Variants in ZFHX3 observed in about 807,000 individuals in gnomAD.
ZFHX3 encodes the protein zinc finger homeobox 3, also known as zinc finger homeobox protein 3.
Under a neutral mutation model 279.1 loss-of-function variants are expected in ZFHX3, and 42 were observed. The observed-to-expected ratio is 0.15, with a 90% CI of 0.12 to 0.19. The LOEUF (loss-of-function observed/expected upper bound fraction) is 0.19. ZFHX3 is among the 10% of genes least tolerant of loss of function. ZFHX3 has a pLI of 1.00. For missense variants in ZFHX3, 4,981 were observed against 4,754.0 expected (o/e 1.05, Z -1.40); for synonymous variants, 2,293 against 1,957.8 (o/e 1.17, Z -4.52).
At chr16:73,671,152 C>T (rs8048857) in intron 2 of ZFHX3, among the ~76,000 whole-genome samples, 93,923 of 152,054 alleles carry the variant, frequency 0.62, 30,068 homozygotes, top group Middle Eastern at 0.82. Context: ...AAATGGGAAC[C>T]CTTTTGCAGT....
At chr16:73,070,596 C>G (rs1190769381) in intron 8 of ZFHX3, among the ~76,000 whole-genome samples, 6 of 152,176 alleles carry the variant, frequency 3.9e-5, no homozygotes, top group Non-Finnish European at 7.3e-5. Context: ...AAGGGTGAAG[C>G]GGGATTCGTC....
chr16:73,604,892 G>T (rs2052161941), intron 2 of ZFHX3, among the ~76,000 whole-genome samples: 1 of 152,074 alleles, frequency 6.6e-6, no homozygotes, highest in Non-Finnish European at 1.5e-5. Context: ...AATCTCTACT[G>T]GGGTAGACTG....
At chr16:73,853,243 C>G (rs762895910) in intron 1 of ZFHX3, among the ~76,000 whole-genome samples, 4 of 152,150 alleles carry the variant, frequency 2.6e-5, no homozygotes, top group African/African-American at 7.2e-5. Flanking sequence ...TAAATTAGTT[C>G]AAACTCGATG....
intron 4 of ZFHX3, among the ~76,000 whole-genome samples, chr16:73,310,785 A>G (rs1279278765): frequency 6.6e-6 from 1 of 152,236 alleles, no homozygotes; most frequent in Non-Finnish European, 1.5e-5. Context: ...ATTGATTATC[A>G]TATGTCCACA....
intron 6 of ZFHX3, among the ~76,000 whole-genome samples, chr16:73,136,803 G>A (rs1782456419): frequency 6.7e-6 from 1 of 150,218 alleles, no homozygotes; most frequent in South Asian, 2.1e-4. Flanking sequence ...GACAATTCTA[G>A]GGGTGCAGGG....
chr16:73,391,352 G>A (rs111848006), intron 3 of ZFHX3, among the ~76,000 whole-genome samples: 1 of 151,950 alleles, frequency 6.6e-6, no homozygotes, highest in Non-Finnish European at 1.5e-5. Context: ...CTACTCAGGA[G>A]GCTCAGGCAG....
rs368295455 is a variant in ZFHX3, at chr16:72,935,898, A to G, written c.3216+14571T>C. Among the ~76,000 whole-genome samples the G allele has an allele frequency of 5.3e-5, 8 of 152,264 alleles. 1 individual carries two copies. The highest frequency in any genetic ancestry group is 4.6e-4 in the Admixed American group (7 of 15,296). ...ACTAAGCAGAGAAGAAAGACCACTA[A>G]AAATATGGTCTATCATAAGAATGGG... On this transcript the variant is annotated intron_variant, in intron 3 of 9. Transcript: ENST00000268489.
At chr16:73,669,452 A>G (rs1263438095) in intron 2 of ZFHX3, among the ~76,000 whole-genome samples, 1 of 152,252 alleles carries the variant, frequency 6.6e-6, no homozygotes, top group Non-Finnish European at 1.5e-5. Context: ...AGTAGAACAC[A>G]CCACCATATA....
intron 2 of ZFHX3, among the ~76,000 whole-genome samples, chr16:73,481,483 G>C (rs1289302055): frequency 6.6e-6 from 1 of 152,192 alleles, no homozygotes; most frequent in Admixed American, 6.5e-5. Context: ...TGCTCAGGTG[G>C]AGTGCAGTGC....
At chr16:73,778,264 C>T in intron 1 of ZFHX3, among the ~76,000 whole-genome samples, 1 of 60,544 alleles carries the variant, frequency 1.7e-5, no homozygotes. Context: ...AAAAAAAAAG[C>T]ATTGGACTTC....
intron 2 of ZFHX3, among the ~76,000 whole-genome samples, chr16:73,666,732 A>C (rs1457089208): frequency 6.6e-6 from 1 of 151,830 alleles, no homozygotes. Context: ...GAAAAGTTCC[A>C]TCACTCCTCC....
At chr16:73,784,669 C>A (rs2142307654) in intron 1 of ZFHX3, among the ~76,000 whole-genome samples, 1 of 151,834 alleles carries the variant, frequency 6.6e-6, no homozygotes, top group South Asian at 2.1e-4. Context: ...ATTGCTTGAA[C>A]CCAGGAGGCA....
chr16:73,116,762 G>A (rs1966437275), intron 7 of ZFHX3, among the ~76,000 whole-genome samples: 1 of 152,132 alleles, frequency 6.6e-6, no homozygotes, highest in South Asian at 2.1e-4. Flanking sequence ...ATGACCAAAA[G>A]TCCTAACCCT....
intron 5 of ZFHX3, among the ~76,000 whole-genome samples, chr16:73,247,175 A>G (rs1000901636): frequency 2.0e-5 from 3 of 149,104 alleles, no homozygotes; most frequent in African/African-American, 7.4e-5. Flanking sequence ...GTGTCTATGT[A>G]CCTGTATGTG....
intron 5 of ZFHX3, among the ~76,000 whole-genome samples, chr16:73,228,620 A>C (rs1165181587): frequency 6.6e-6 from 1 of 152,182 alleles, no homozygotes; most frequent in Non-Finnish European, 1.5e-5. Context: ...TTGTGACTGC[A>C]CCATTGTACT....
At chr16:73,590,595 T>C (rs941118957) in intron 2 of ZFHX3, among the ~76,000 whole-genome samples, 2 of 152,226 alleles carry the variant, frequency 1.3e-5, no homozygotes, top group Admixed American at 6.5e-5. Flanking sequence ...ATCATTAGAA[T>C]ATTCTAGAGA....
At chr16:72,806,076 G>GTTTT (rs1448743835) in intron 7 of ZFHX3, 1 of 152,132 alleles carries the variant, frequency 6.6e-6, no homozygotes, top group Admixed American at 6.6e-5. Context: ...GTTTTGTTTT[G>GTTTT]TTGGTAGAGA....
At chr16:73,168,290 C>CTTTCTTTCTTTCTT (rs1555502352) in intron 5 of ZFHX3, among the ~76,000 whole-genome samples, 1 of 84,186 alleles carries the variant, frequency 1.2e-5, no homozygotes, top group Admixed American at 1.3e-4. Context: ...GAGACAAAGT[C>CTTTCTTTCTTTCTT]TCACTCTGTC....
chr16:72,957,874 G>C lies in ZFHX3; in HGVS notation c.2272C>G (p.Gln758Glu). ...AAGACCTGCTCCCCCCCTCCATTCTGCAGGTTCTGCATGTTGTTGAGATGC... is the reference window on the plus strand; with the variant it reads ...AAGACCTGCTCCCCCCCTCCATTCTCCAGGTTCTGCATGTTGTTGAGATGC... ...DKHLNNMQNL[Q>E]NGGGEQVFSH... Residue 758 changes from glutamine (Q) to glutamate (E), a missense_variant, in exon 2 of 10, where the codon CAG becomes GAG. This residue lies in a region of ZFHX3 where 1,751 missense variants were observed against 1,770.0 expected (regional missense o/e 0.99). Coordinates refer to ENST00000268489, the MANE Select transcript of ZFHX3 (RefSeq NM_006885.4). The C allele has an allele frequency of 6.2e-7, 1 of 1,614,076 alleles. No homozygotes were observed. The highest frequency in any genetic ancestry group is 8.5e-7 in the Non-Finnish European group (1 of 1,180,034).
Sources: allele counts gnomAD v4.1 joint callset (sites outside exome capture counted in the v4.1 genomes callset), GRCh38; gene constraint gnomAD v4.1.1; regional missense constraint gnomAD v4.1.1; transcripts MANE v1.5; gene names NCBI Gene and HGNC (gene_info 2026-07-23, HGNC 2026-07-21).